ST8SIA4: variants seen among roughly 807,000 people sequenced by gnomAD.
ST8SIA4 encodes CMP-N-acetylneuraminate-poly-alpha-2,8-sialyltransferase.
ST8SIA4 carries 15 observed loss-of-function variants against 33.9 expected under a neutral mutation model. The observed-to-expected ratio is 0.44, with a 90% confidence interval of 0.30 to 0.68. The LOEUF (loss-of-function observed/expected upper bound fraction) is 0.68, where lower values mean the gene tolerates loss of function less well. ST8SIA4 is among the 30% of genes least tolerant of loss of function. The pLI is 0.10. For synonymous variants in ST8SIA4, 171 were observed against 151.2 expected (o/e 1.13, Z -0.96); for missense variants, 321 against 428.0 (o/e 0.75, Z 2.21).
rs1750781583 is a variant in ST8SIA4 at position 100,809,957 on chromosome 5, T to TG, written c.*1889_*1890insC. ...CTACTGTGAATATCCTTTTCCATGG[T>TG]AACACACACACACACACACGTACTT... On this transcript the variant is annotated 3_prime_UTR_variant, in exon 5 of 5. Coordinates refer to ENST00000231461, the MANE Select transcript of ST8SIA4 (RefSeq NM_005668.6). 2.1e-5 allele frequency: 2 copies of TG among 94,250 alleles called. No homozygotes were observed. Among genetic ancestry groups the TG allele is most frequent in the Non-Finnish European group, 4.9e-5 (2 of 41,046 alleles). 5.8% of individuals were successfully genotyped at this position (94,250 alleles called of 1,614,324 possible).
rs986929390 is a variant in ST8SIA4 at position 100,879,242 on chromosome 5, C to T, written c.503+7101G>A. Among the ~76,000 whole-genome samples, 5 of 152,132 alleles carry T rather than the reference C, an allele frequency of 3.3e-5. No homozygotes were observed. The East Asian group carries it at 7.7e-4, about 23-fold the overall frequency. On this transcript the variant is annotated intron_variant, in intron 3 of 4. Transcript: ENST00000231461. ...TCACAGCTGCTAAAATATCAAGAGACTCCTAAACTCCTAGTCCTAAGTGTA... is the reference window on the plus strand; with the variant it reads ...TCACAGCTGCTAAAATATCAAGAGATTCCTAAACTCCTAGTCCTAAGTGTA...
At chr5:100,902,442 A>G (rs912451155) in intron 1 of ST8SIA4, among the ~76,000 whole-genome samples, 2 of 152,208 alleles carry the variant, frequency 1.3e-5, no homozygotes, top group South Asian at 2.1e-4. Context: ...CCTTCGAGAA[A>G]CCATCTATCT....
chr5:100,849,614 C>T (rs200883337), intron 4 of ST8SIA4, among the ~76,000 whole-genome samples: 2 of 126,706 alleles, frequency 1.6e-5, no homozygotes, highest in East Asian at 4.6e-4. Context: ...AACCCCATCC[C>T]TTCCAAAAAT....
In ST8SIA4 at chr5:100,810,248, T is replaced by C. The variant is rs990110008; in HGVS notation, c.*1599A>G. The stretch of plus-strand genomic sequence containing the variant: ...TTTCATGTGTTTCTTGAAGAACATA[T>C]GTGATATTGTGACTAAATTTAACTA... On this transcript the variant is annotated 3_prime_UTR_variant, in exon 5 of 5. Transcript: ENST00000231461. The C allele has an allele frequency of 2.0e-5, 3 of 152,214 alleles. No individual in the cohort carries two copies. Among genetic ancestry groups the C allele is most frequent in the Non-Finnish European group, 4.4e-5 (3 of 68,028 alleles). 9.4% of individuals were successfully genotyped at this position (152,214 alleles called of 1,614,324 possible). A position where few individuals can be genotyped will look rare whatever the true frequency, so the allele number is the denominator to read the frequency against.
rs992707531 is a variant in ST8SIA4, at chr5:100,850,932, C to T, written c.797+5171G>A. On this transcript the variant is annotated intron_variant, in intron 4 of 4. Transcript: ENST00000231461. ...ACTAGTTTATATATAATTATTTGTT[C>T]AGAATTATTATTGTAACCATACTTT... Among the ~76,000 whole-genome samples the T allele has an allele frequency of 5.7e-5, 8 of 141,088 alleles. No homozygotes were observed. The East Asian group carries it at 1.6e-3, about 29-fold the overall frequency. The allele number at this position is 141,088 out of a possible 152,430, so 92.6% of individuals were successfully genotyped here.
At chr5:100,815,018 T>C (rs887978855) in intron 4 of ST8SIA4, among the ~76,000 whole-genome samples, 1 of 152,038 alleles carries the variant, frequency 6.6e-6, no homozygotes, top group Non-Finnish European at 1.5e-5. Context: ...AAATAATGCA[T>C]TGATAAAATA....
chr5:100,836,782 A>G (rs1321714962), intron 4 of ST8SIA4, among the ~76,000 whole-genome samples: 1 of 152,010 alleles, frequency 6.6e-6, no homozygotes, highest in East Asian at 1.9e-4. Flanking sequence ...TCAATTTTTT[A>G]CTTAGATTTG....
intron 2 of ST8SIA4, among the ~76,000 whole-genome samples, chr5:100,889,803 ATG>A (rs1752619517): frequency 6.6e-6 from 1 of 151,954 alleles, no homozygotes; most frequent in Non-Finnish European, 1.5e-5. Context: ...GATTGTAATT[ATG>A]TGTTTTTCCA....
At position 100,875,944 on chromosome 5, in the gene ST8SIA4, A is replaced by G. The variant is rs79728960; in HGVS notation, c.503+10399T>C. 7.6e-3 allele frequency among the ~76,000 whole-genome samples: 1,157 copies of G among 152,218 alleles called. 12 individuals are homozygous for G. Among genetic ancestry groups the G allele is most frequent in the African/African-American group, 0.025 (1,043 of 41,554 alleles). On this transcript the variant is annotated intron_variant, in intron 3 of 4. Transcript: ENST00000231461. Reference sequence around the variant, plus strand: ...GTATCAAGTAGTGTTTTAGTGTTTTACAATTTTAAAATCACATATATTATA... The same window carrying G: ...GTATCAAGTAGTGTTTTAGTGTTTTGCAATTTTAAAATCACATATATTATA...
At chr5:100,817,633 T>C (rs1347198345) in intron 4 of ST8SIA4, among the ~76,000 whole-genome samples, 2 of 152,208 alleles carry the variant, frequency 1.3e-5, no homozygotes, top group Non-Finnish European at 2.9e-5. Flanking sequence ...AATTCTGTTT[T>C]GAAATTATTT....
chr5:100,897,544 C>A (rs1387369954), intron 1 of ST8SIA4, among the ~76,000 whole-genome samples: 2 of 152,050 alleles, frequency 1.3e-5, no homozygotes, highest in South Asian at 4.2e-4. Context: ...ATAACAAAGT[C>A]TAAAACTGTG....
intron 4 of ST8SIA4, among the ~76,000 whole-genome samples, chr5:100,854,719 A>G (rs1751777993): frequency 6.6e-6 from 1 of 152,238 alleles, no homozygotes; most frequent in African/African-American, 2.4e-5. Context: ...AAATTATCTC[A>G]GGAACAAAAC....
Position 100,811,230 on chromosome 5 carries a change from A to G in ST8SIA4, c.*617T>C, listed in dbSNP as rs1244182292. The G allele has an allele frequency of 6.6e-6, 1 of 152,460 alleles. No homozygotes were observed. Among genetic ancestry groups the G allele is most frequent in the African/African-American group, 2.4e-5 (1 of 41,414 alleles). 9.4% of individuals were successfully genotyped at this position (152,460 alleles called of 1,614,324 possible). On this transcript the variant is annotated 3_prime_UTR_variant, in exon 5 of 5. Coordinates refer to ENST00000231461, the MANE Select transcript of ST8SIA4 (RefSeq NM_005668.6). ...AAAAAGTATAAGAACTTTAAAAATAATTACTTAAAGTTTATTTCCTCACTC... is the reference window on the plus strand; with the variant it reads ...AAAAAGTATAAGAACTTTAAAAATAGTTACTTAAAGTTTATTTCCTCACTC...
intron 3 of ST8SIA4, among the ~76,000 whole-genome samples, chr5:100,858,851 T>C (rs977372104): frequency 1.3e-5 from 2 of 152,058 alleles, no homozygotes; most frequent in African/African-American, 4.8e-5. Flanking sequence ...AATCAGACTT[T>C]GTCAAGGATA....
chr5:100,881,951 C>G (rs1011749691), intron 3 of ST8SIA4, among the ~76,000 whole-genome samples: 1 of 152,118 alleles, frequency 6.6e-6, no homozygotes, highest in Non-Finnish European at 1.5e-5. Context: ...CTTTTTCTTC[C>G]CAGTCTCAGG....
chr5:100,850,567 G>A (rs1490562410), intron 4 of ST8SIA4, among the ~76,000 whole-genome samples: 5 of 151,706 alleles, frequency 3.3e-5, no homozygotes, highest in African/African-American at 9.7e-5. Flanking sequence ...GAATTAAAAC[G>A]TAAATATTTT....
intron 4 of ST8SIA4, among the ~76,000 whole-genome samples, chr5:100,847,476 C>T (rs1305636477): frequency 6.6e-6 from 1 of 152,086 alleles, no homozygotes; most frequent in Non-Finnish European, 1.5e-5. Context: ...AGGTCATCTT[C>T]ATTTTATATA....
chr5:100,822,869 A>C (rs1002856328), intron 4 of ST8SIA4, among the ~76,000 whole-genome samples: 7 of 152,008 alleles, frequency 4.6e-5, no homozygotes, highest in African/African-American at 1.7e-4. Flanking sequence ...AACTCACCAA[A>C]ACCTGTAATC....
chr5:100,860,046 G>A (rs1751902358), intron 3 of ST8SIA4, among the ~76,000 whole-genome samples: 1 of 151,978 alleles, frequency 6.6e-6, no homozygotes, highest in Non-Finnish European at 1.5e-5. Context: ...TCTGTGCTAG[G>A]TATAGAACTC....
Sources: gnomAD v4.1 joint callset for allele counts (sites outside exome capture counted in the v4.1 genomes callset) on GRCh38, gnomAD v4.1.1 for gene constraint, MANE v1.5 for transcripts, NCBI Gene and HGNC (gene_info 2026-07-23, HGNC 2026-07-21) for gene names.